The following ATG9B variants were observed in gnomAD, a reference collection of about 807,000 sequenced individuals.
ATG9B encodes the protein autophagy related 9B.
In ATG9B, 92 loss-of-function variants were observed where a neutral mutation model predicts 92.9. The ratio of observed to expected loss-of-function variants is 0.99; its 90% CI spans 0.84 to 1.18. ATG9B has a LOEUF of 1.18. ATG9B is among the 50% of genes most tolerant of loss of function. The probability of loss-of-function intolerance (pLI) is 0.00; values close to 1 mark genes in which losing one functional copy is unlikely to be tolerated. For missense variants in ATG9B, 1,344 were observed against 1,235.0 expected (o/e 1.09, Z -1.32); for synonymous variants, 599 against 551.4 (o/e 1.09, Z -1.21).
At chr7:151,017,317 T>A in intron 8 of ATG9B, 45 bp from the exon 9 acceptor site, 1 of 1,521,652 alleles carries the variant, frequency 6.6e-7, no homozygotes, top group Non-Finnish European at 8.9e-7. Flanking sequence ...CACTGAGCCT[T>A]ATGGGAACAG....
In ATG9B at chr7:151,021,376, GAA is replaced by G. The variant is rs1795742779; in HGVS notation, c.822-49_822-48del. On this transcript the variant is annotated intron_variant, in intron 4 of 13. Coordinates refer to ENST00000639579, the MANE Select transcript of ATG9B (RefSeq NM_001317056.2). ...GTGGGGGAGAAAGGTGGGCGCCTGA[GAA>G]AGAGGCAGACCAGACTTCGGGAGTG... The G allele has an allele frequency of 2.0e-6, 3 of 1,529,182 alleles. No homozygotes were observed. In the East Asian group the frequency reaches 6.9e-5, roughly 35 times the overall value. The allele number at this position is 1,529,182 out of a possible 1,614,324, so 94.7% of individuals were successfully genotyped here. A position where few individuals can be genotyped will look rare whatever the true frequency, so the allele number is the denominator to read the frequency against.
intron 4 of ATG9B, 96 bp downstream of exon 4, chr7:151,022,949 T>C: frequency 6.6e-7 from 1 of 1,516,134 alleles, no homozygotes; most frequent in Non-Finnish European, 9.0e-7. Context: ...CTTTGAGAAC[T>C]GCTGATCTAG....
chr7:151,022,543 A>G (rs548932539), intron 4 of ATG9B, among the ~76,000 whole-genome samples: 2 of 151,808 alleles, frequency 1.3e-5, no homozygotes, highest in Non-Finnish European at 2.9e-5. Flanking sequence ...CACTTAATGC[A>G]CTGTAATTAA....
rs1376520375 is a variant in ATG9B, at chr7:151,017,112, T to C, written c.2213A>G (p.Asp738Gly). 6.2e-7 allele frequency: 1 copy of C among 1,612,228 alleles called. No homozygotes were observed. The highest frequency in any genetic ancestry group is 8.5e-7 in the Non-Finnish European group (1 of 1,179,658). Residue 738 changes from aspartate (D) to glycine (G), a missense_variant, in exon 9 of 14, where the codon GAT becomes GGT. Physicochemically the swap from Asp to Gly is moderately conservative, Grantham distance 94. Transcript: ENST00000639579. The part of the protein sequence containing the change: ...LGHLWGRVQQ[D>G]AAAWGATSAR... ...CGAGGTGGCACCCCAGGCAGCTGCATCTTGTTGTACTCGGCCCCAGAGGTG... is the reference window on the plus strand; with the variant it reads ...CGAGGTGGCACCCCAGGCAGCTGCACCTTGTTGTACTCGGCCCCAGAGGTG...
In ATG9B at chr7:151,015,983, G is replaced by C; in HGVS notation, c.2688C>G (p.Thr896=). 6.4e-7 allele frequency: 1 copy of C among 1,551,660 alleles called. No individual in the cohort carries two copies. Among genetic ancestry groups the C allele is most frequent in the African/African-American group, 1.4e-5 (1 of 73,174 alleles). The part of the protein sequence containing the change: ...PASSPRQQWG[T]QKARNLFPGG... ...CGGGGAACAGATTCCGGGCCTTCTG[G>C]GTTCCCCACTGTTGTCTGGGGCTAG... The change falls in exon 13 of 14, where the codon ACC becomes ACG. Residue 896 remains threonine (T), a synonymous_variant. Transcript: ENST00000639579.
chr7:151,017,239 A>G lies in ATG9B; in HGVS notation c.2086T>C (p.Ser696Pro). 1.2e-6 allele frequency: 2 copies of G among 1,606,768 alleles called. No homozygotes were observed. Among genetic ancestry groups the G allele is most frequent in the Non-Finnish European group, 8.5e-7 (1 of 1,175,362 alleles). Reference sequence around the variant, plus strand: ...GTCTTGCCGTCCTCCGCACGCTGAGACAGCGAGGCCTCAGTCTGTCCCGCC... The same window carrying G: ...GTCTTGCCGTCCTCCGCACGCTGAGGCAGCGAGGCCTCAGTCTGTCCCGCC... The part of the protein sequence containing the change: ...LSAGQTEASL[S>P]QRAEDGKTEL... Residue 696 changes from serine (S) to proline (P), a missense_variant, in exon 9 of 14, where the codon TCT becomes CCT. Coordinates refer to ENST00000639579, the MANE Select transcript of ATG9B (RefSeq NM_001317056.2).
chr7:151,018,025 G>A lies in ATG9B; in HGVS notation c.1898C>T (p.Ser633Phe), dbSNP rs756890891. 53 of 1,596,192 alleles carry A rather than the reference G, an allele frequency of 3.3e-5. No homozygotes were observed. The highest frequency in any genetic ancestry group is 1.7e-4 in the Middle Eastern group (1 of 6,036). The change falls in exon 8 of 14, where the codon TCC (serine) becomes TTC (phenylalanine). Residue 633 changes from serine (S) to phenylalanine (F), a missense_variant. Coordinates refer to ENST00000639579, the MANE Select transcript of ATG9B (RefSeq NM_001317056.2). This position sits in a 1 kb window ranked among gnomAD's most constrained non-coding sequence, Gnocchi z 4.7. ...RAVSLLEELL[S>F]PLLTPLFLLF... ...CAGAAACAGCGGGGTGAGGAGCGGG[G>A]ACAGGAGCTCCTCCAGGAGGGAGAC...
chr7:151,012,218 G>GTTTTT, downstream of ATG9B: 1 of 522,028 alleles, frequency 1.9e-6, no homozygotes, highest in Non-Finnish European at 3.1e-6. Flanking sequence ...GTTGTTTTTT[G>GTTTTT]TTTTTTGTTT....
Position 151,023,471 on chromosome 7 carries a change from G to A in ATG9B, c.633C>T (p.Ile211=). 1 of 1,613,158 alleles carries A rather than the reference G, an allele frequency of 6.2e-7. No homozygotes were observed. The highest frequency in any genetic ancestry group is 1.7e-5 in the Admixed American group (1 of 59,898). ...SYHQRNGFAC[I]LLEDVFQLGQ... is the part of the protein sequence containing the mutation. The stretch of plus-strand genomic sequence containing the variant: ...CCAGCTGGAAGACATCCTCCAGCAA[G>A]ATGCAGGCAAAGCCATTCCGCTGGT... The change falls in exon 3 of 14, where the codon ATC becomes ATT. Residue 211 remains isoleucine, a synonymous_variant. Transcript: ENST00000639579.
At chr7:151,021,141 CCACCCTCTCACGG>C in intron 5 of ATG9B, 34 bp downstream of exon 5, 1 of 1,604,924 alleles carries the variant, frequency 6.2e-7, no homozygotes, top group Non-Finnish European at 8.5e-7. Context: ...TCTCCTCTGC[CCACCCTCTCACGG>C]CACCCTCTGC....
At chr7:151,023,310 C>A in intron 3 of ATG9B, 104 bp from the exon 4 acceptor site, 1 of 1,598,644 alleles carries the variant, frequency 6.3e-7, no homozygotes, top group Non-Finnish European at 8.6e-7. Context: ...CCTCCCTGAC[C>A]CTGCCCCTGC....
At chr7:151,023,828 C>T (rs1185733674) in intron 1 of ATG9B, 46 bp downstream of exon 1, 2 of 1,609,664 alleles carry the variant, frequency 1.2e-6, no homozygotes, top group East Asian at 2.2e-5. Context: ...AGTACTGGAG[C>T]TCCCAGGCAC....
chr7:151,023,615 C>T, intron 2 of ATG9B, 72 bp downstream of exon 2: 1 of 1,610,014 alleles, frequency 6.2e-7, no homozygotes, highest in Admixed American at 1.7e-5. Flanking sequence ...CACGGAGTCT[C>T]CCTGCCAAGA....
Position 151,017,113 on chromosome 7 carries a change from C to G in ATG9B, c.2212G>C (p.Asp738His). Residue 738 changes from aspartate to histidine, a missense_variant, in exon 9 of 14, where the codon GAT (aspartate) becomes CAT (histidine). By Grantham distance (81) the Asp-to-His change is moderately conservative (BLOSUM62 -1). Coordinates refer to ENST00000639579, the MANE Select transcript of ATG9B (RefSeq NM_001317056.2). The part of the protein sequence containing the change: ...LGHLWGRVQQ[D>H]AAAWGATSAR... ...GAGGTGGCACCCCAGGCAGCTGCAT[C>G]TTGTTGTACTCGGCCCCAGAGGTGC... 6.2e-7 allele frequency: 1 copy of G among 1,612,384 alleles called. No homozygotes were observed. The highest frequency in any genetic ancestry group is 1.1e-5 in the South Asian group (1 of 90,852).
intron 8 of ATG9B, 85 bp from the exon 9 acceptor site, chr7:151,017,357 A>T: frequency 7.5e-7 from 1 of 1,331,898 alleles, no homozygotes; most frequent in Non-Finnish European, 1.0e-6. Context: ...CCCATCTTCC[A>T]CGTGAAGGAA....
Position 151,024,309 on chromosome 7 carries a change from AAGG to A in ATG9B, c.112_114del (p.Pro38del), listed in dbSNP as rs762053841. The A allele has an allele frequency of 3.4e-4, 492 of 1,427,802 alleles. No individual in the cohort carries two copies. The highest frequency in any genetic ancestry group is 2.1e-3 in the African/African-American group (145 of 69,298). The allele number at this position is 1,427,802 out of a possible 1,614,324, so 88.4% of individuals were successfully genotyped here. A position where few individuals can be genotyped will look rare whatever the true frequency, so the allele number is the denominator to read the frequency against. On this transcript the variant is annotated inframe_deletion, in exon 1 of 14. Coordinates refer to ENST00000639579, the MANE Select transcript of ATG9B (RefSeq NM_001317056.2). The stretch of plus-strand genomic sequence containing the variant: ...CTCCCTCCCCCAGGTCCCCGGCATG[AAGG>A]AGGAGGAGGAGGTGGCAGTGGCATG...
Position 151,018,420 on chromosome 7 carries a change from C to T in ATG9B, c.1746G>A (p.Gln582=), listed in dbSNP as rs758393538. The part of the protein sequence containing the change: ...ARSFIPEEQC[Q]GRAPQLLLQT... ...GCAGCAGGAGCTGCGGCGCACGACC[C>T]TGGCACTGCTCTTCCGGAATGAAAG... The change falls in exon 7 of 14, where the codon CAG becomes CAA. Residue 582 remains glutamine (Q), a synonymous_variant. Coordinates refer to ENST00000639579, the MANE Select transcript of ATG9B (RefSeq NM_001317056.2). This position sits in a 1 kb window ranked among gnomAD's most constrained non-coding sequence, Gnocchi z 4.7. 5 of 1,540,754 alleles carry T rather than the reference C, an allele frequency of 3.2e-6. No individual in the cohort carries two copies. The Admixed American group carries it at 1.0e-4, about 32-fold the overall frequency.
In ATG9B at chr7:151,018,010, G is replaced by A. The variant is rs374715533; in HGVS notation, c.1913C>T (p.Pro638Leu). Reference sequence around the variant, plus strand: ...GCGGAACCAGAAAAGCAGAAACAGCGGGGTGAGGAGCGGGGACAGGAGCTC... The same window carrying A: ...GCGGAACCAGAAAAGCAGAAACAGCAGGGTGAGGAGCGGGGACAGGAGCTC... ...LEELLSPLLT[P>L]LFLLFWFRPR... The change falls in exon 8 of 14, where the codon CCG becomes CTG. Residue 638 changes from proline to leucine, a missense_variant. Coordinates refer to ENST00000639579, the MANE Select transcript of ATG9B (RefSeq NM_001317056.2). This position sits in a 1 kb window ranked among gnomAD's most constrained non-coding sequence, Gnocchi z 4.7. 5.1e-5 allele frequency: 82 copies of A among 1,601,448 alleles called. No homozygotes were observed. Among genetic ancestry groups the A allele is most frequent in the Non-Finnish European group, 5.9e-5 (69 of 1,173,728 alleles).
Position 151,016,930 on chromosome 7 carries a change from G to A in ATG9B, c.2289+106C>T, listed in dbSNP as rs1042361594. The A allele has an allele frequency of 1.8e-5, 27 of 1,501,882 alleles. No individual in the cohort carries two copies. The African/African-American group carries it at 2.5e-4, about 14-fold the overall frequency. 93.0% of individuals were successfully genotyped at this position (1,501,882 alleles called of 1,614,324 possible). A position where few individuals can be genotyped will look rare whatever the true frequency, so the allele number is the denominator to read the frequency against. On this transcript the variant is annotated intron_variant, in intron 9 of 13. Transcript: ENST00000639579. ...GAAGGCAGGAGAGCAGGCTGGGGGCGGGGGCTGGTGAGGCAGGTTACTACC... is the reference window on the plus strand; with the variant it reads ...GAAGGCAGGAGAGCAGGCTGGGGGCAGGGGCTGGTGAGGCAGGTTACTACC...
Sources: allele counts gnomAD v4.1 joint callset (sites outside exome capture counted in the v4.1 genomes callset), GRCh38; gene constraint gnomAD v4.1.1; non-coding constraint Gnocchi (gnomAD v3.1); transcripts MANE v1.5; gene names NCBI Gene and HGNC (gene_info 2026-07-23, HGNC 2026-07-21).